The following CADPS variants were observed in gnomAD, a reference collection of about 807,000 sequenced individuals.
CADPS encodes calcium-dependent secretion activator 1.
Under a neutral mutation model 167.3 loss-of-function variants are expected in CADPS, and 57 were observed. That is an observed-to-expected ratio of 0.34 (90% CI 0.28 to 0.42). CADPS has a LOEUF of 0.42. Among genes scored for constraint, CADPS ranks in the 20% least tolerant of loss-of-function variants. The pLI, the probability that CADPS is intolerant of heterozygous loss-of-function variation, is 1.00. For missense variants in CADPS, 1,414 were observed against 1,738.1 expected, an observed-to-expected ratio of 0.81 and a Z score of 3.32; for synonymous variants, 676 against 635.3, an observed-to-expected ratio of 1.06 and a Z score of -0.96.
intron 3 of CADPS, among the ~76,000 whole-genome samples, chr3:62,721,471 A>G (rs1352902490): frequency 6.6e-6 from 1 of 152,138 alleles, no homozygotes; most frequent in Admixed American, 6.5e-5. Flanking sequence ...AGCTGTGGGT[A>G]GGTAAGCACA....
chr3:62,808,306 C>A (rs2094211512), intron 1 of CADPS, among the ~76,000 whole-genome samples: 1 of 151,836 alleles, frequency 6.6e-6, no homozygotes, highest in African/African-American at 2.4e-5. Context: ...GTCTGACTCT[C>A]CAGAAAAATG....
chr3:62,738,068 A>T (rs2079376463), intron 3 of CADPS, among the ~76,000 whole-genome samples: 1 of 152,154 alleles, frequency 6.6e-6, no homozygotes, highest in Non-Finnish European at 1.5e-5. Context: ...GGTGTATGAT[A>T]GACACTCAAT....
chr3:62,875,395 C>T lies in CADPS; in HGVS notation c.-366G>A. 1 of 158,180 alleles carries T rather than the reference C, an allele frequency of 6.3e-6. No individual in the cohort carries two copies. The highest frequency in any genetic ancestry group is 1.4e-5 in the Non-Finnish European group (1 of 71,756). The allele number at this position is 158,180 out of a possible 1,614,324, so 9.8% of individuals were successfully genotyped here. ...TGCAAGCTGTCGATGCAGCCAAGAG[C>T]CGAAGAGGCATCTTGCCGATTGGGG... On this transcript the variant is annotated 5_prime_UTR_variant, in exon 1 of 30. Coordinates refer to ENST00000383710, the MANE Select transcript of CADPS (RefSeq NM_003716.4).
chr3:62,459,647 A>ACACTGCACTGGCTACT, intron 26 of CADPS, among the ~76,000 whole-genome samples: 1 of 152,306 alleles, frequency 6.6e-6, no homozygotes, highest in South Asian at 2.1e-4. Flanking sequence ...GTCCATAGTT[A>ACACTGCACTGGCTACT]CACTGCACTG....
intron 23 of CADPS, among the ~76,000 whole-genome samples, chr3:62,475,707 A>T: frequency 6.6e-6 from 1 of 151,974 alleles, no homozygotes; most frequent in East Asian, 1.9e-4. Context: ...CAGTGCACTC[A>T]AGTAGCTTTC....
rs572330356 is a variant in CADPS at position 62,426,228 on chromosome 3, G to A, written c.3777+11876C>T. Among the ~76,000 whole-genome samples, 368 of 152,256 alleles carry A rather than the reference G, an allele frequency of 2.4e-3. 1 individual carries two copies. Among genetic ancestry groups the A allele is most frequent in the African/African-American group, 8.5e-3 (353 of 41,552 alleles). ...TACAGTGGCACGATCTCGGCTTACT[G>A]CAACCTCCACCTCCCAGGTTCAAGC... On this transcript the variant is annotated intron_variant, in intron 28 of 29. Coordinates refer to ENST00000383710, the MANE Select transcript of CADPS (RefSeq NM_003716.4).
At chr3:62,510,363 A>G (rs1220202607) in intron 17 of CADPS, among the ~76,000 whole-genome samples, 1 of 152,212 alleles carries the variant, frequency 6.6e-6, no homozygotes, top group Non-Finnish European at 1.5e-5. Context: ...AATCGTTATG[A>G]TGCTCAGAAA....
Position 62,762,392 on chromosome 3 carries a change from C to T in CADPS, c.555+3479G>A, listed in dbSNP as rs536589864. 3.4e-4 allele frequency among the ~76,000 whole-genome samples: 52 copies of T among 152,210 alleles called. 1 individual carries two copies. The South Asian group carries it at 0.01, about 30-fold the overall frequency. On this transcript the variant is annotated intron_variant, in intron 2 of 29. Transcript: ENST00000383710. ...TGGGAGAAGGCCAGGTGTGGTGGCT[C>T]ATGCTGGTAATCCCAGCATTTTGGG...
chr3:62,719,819 G>A (rs2075383964), intron 3 of CADPS, among the ~76,000 whole-genome samples: 1 of 152,178 alleles, frequency 6.6e-6, no homozygotes, highest in Admixed American at 6.5e-5. Flanking sequence ...AGCACGGTAG[G>A]ATTTGACTAC....
At chr3:62,788,114 T>C (rs1280806917) in intron 1 of CADPS, among the ~76,000 whole-genome samples, 1 of 152,214 alleles carries the variant, frequency 6.6e-6, no homozygotes. Flanking sequence ...CAAGGCCCGC[T>C]TGAATGATGT....
chr3:62,584,171 A>AT (rs1474757148), intron 8 of CADPS, among the ~76,000 whole-genome samples: 3 of 151,716 alleles, frequency 2.0e-5, no homozygotes, highest in South Asian at 2.1e-4. Flanking sequence ...TGCCCAGCTA[A>AT]TTTTTTTGTA....
At chr3:62,794,778 T>TAAAAAAA (rs71126555) in intron 1 of CADPS, among the ~76,000 whole-genome samples, 10 of 99,902 alleles carry the variant, frequency 1.0e-4, no homozygotes, top group South Asian at 6.4e-4. Context: ...CGCAAGGTGG[T>TAAAAAAA]AAAAAAAAAA....
intron 28 of CADPS, among the ~76,000 whole-genome samples, chr3:62,437,268 A>G (rs1176881797): frequency 6.6e-6 from 1 of 151,582 alleles, no homozygotes; most frequent in Admixed American, 6.6e-5. Context: ...GAGATGAAAT[A>G]TCTGGCTAAA....
chr3:62,522,870 G>C (rs1371993773), intron 13 of CADPS, among the ~76,000 whole-genome samples: 1 of 152,142 alleles, frequency 6.6e-6, no homozygotes, highest in Non-Finnish European at 1.5e-5. Context: ...CATTTTTGGA[G>C]CCGTGCTGAA....
intron 3 of CADPS, among the ~76,000 whole-genome samples, chr3:62,669,170 C>G (rs1313600700): frequency 1.3e-5 from 2 of 152,194 alleles, no homozygotes; most frequent in Non-Finnish European, 2.9e-5. Flanking sequence ...TGCTTTCTCT[C>G]TACTTCCCAG....
chr3:62,602,784 T>C lies in CADPS; in HGVS notation c.1326-10036A>G, dbSNP rs1473631767. 1.3e-5 allele frequency among the ~76,000 whole-genome samples: 2 copies of C among 152,168 alleles called. No individual in the cohort carries two copies. The highest frequency in any genetic ancestry group is 2.9e-5 in the Non-Finnish European group (2 of 68,034). On this transcript the variant is annotated intron_variant, in intron 6 of 29. Transcript: ENST00000383710. This position sits in a 1 kb window ranked among gnomAD's most constrained non-coding sequence, Gnocchi z 4.4. ...TCCTCTCCAGGAGTCTGAGATCAAATGTGTCCAAACCTCAGCTTGATCTCT... is the reference window on the plus strand; with the variant it reads ...TCCTCTCCAGGAGTCTGAGATCAAACGTGTCCAAACCTCAGCTTGATCTCT...
chr3:62,538,265 A>C (rs773932481), intron 11 of CADPS, among the ~76,000 whole-genome samples: 6 of 152,046 alleles, frequency 3.9e-5, no homozygotes, highest in Non-Finnish European at 8.8e-5. Context: ...GATGGCCAGG[A>C]AGTTGTTGCT....
chr3:62,819,872 A>C (rs1388181911), intron 1 of CADPS, among the ~76,000 whole-genome samples: 1 of 151,902 alleles, frequency 6.6e-6, no homozygotes, highest in Non-Finnish European at 1.5e-5. Context: ...TCTCCCATGA[A>C]CTCTGCCCTG....
At chr3:62,502,264 T>A (rs1317199025) in intron 17 of CADPS, among the ~76,000 whole-genome samples, 1 of 151,590 alleles carries the variant, frequency 6.6e-6, no homozygotes, top group African/African-American at 2.4e-5. Context: ...TTCTTCCCTC[T>A]CCCCAACAGA....
Sources: gnomAD v4.1 joint callset for allele counts (sites outside exome capture counted in the v4.1 genomes callset) on GRCh38, gnomAD v4.1.1 for gene constraint, Gnocchi (gnomAD v3.1) non-coding constraint, MANE v1.5 for transcripts, NCBI Gene and HGNC (gene_info 2026-07-23, HGNC 2026-07-21) for gene names.